SMC6: variants seen among roughly 807,000 people sequenced by gnomAD.
SMC6 encodes structural maintenance of chromosomes 6.
SMC6 carries 79 observed loss-of-function variants against 142.2 expected under a neutral mutation model. The ratio of observed to expected loss-of-function variants is 0.56; its 90% confidence interval spans 0.46 to 0.67. The LOEUF (loss-of-function observed/expected upper bound fraction) is 0.67, where lower values mean the gene tolerates loss of function less well. Among genes scored for constraint, SMC6 ranks in the 30% least tolerant of loss-of-function variants. The probability of loss-of-function intolerance (pLI) is 0.00; values close to 1 mark genes in which losing one functional copy is unlikely to be tolerated. For synonymous variants in SMC6, 411 were observed against 412.4 expected, an observed-to-expected ratio of 1.00 and a Z score of 0.04; for missense variants, 1,072 against 1,284.0, an observed-to-expected ratio of 0.83 and a Z score of 2.52.
rs769232499 is a variant in SMC6 at position 17,721,249 on chromosome 2, G to C, written c.739C>G (p.Leu247Val). Residue 247 changes from leucine to valine, a missense_variant, in exon 10 of 28, where the codon CTA becomes GTA. Transcript: ENST00000448223. ...TCTTTCTCTACACACTGGCGCTTTA[G>C]TTCAGTAAGCCGCTTAAAAAAAGAA... ...IHQGEERLTE[L>V]KRQCVEKEER... 2.8e-5 allele frequency: 45 copies of C among 1,587,622 alleles called. No homozygotes were observed. Among genetic ancestry groups the C allele is most frequent in the Non-Finnish European group, 3.8e-5 (45 of 1,172,264 alleles).
At chr2:17,735,501 A>C (rs998437217) in intron 5 of SMC6, among the ~76,000 whole-genome samples, 13 of 152,232 alleles carry the variant, frequency 8.5e-5, no homozygotes, top group African/African-American at 3.1e-4. Flanking sequence ...CAGGAACATA[A>C]AACAGGAGAA....
chr2:17,716,735 A>G lies in SMC6; in HGVS notation c.1346+6T>C. On this transcript the variant is annotated splice_donor_region_variant and intron_variant, in intron 14 of 27. Coordinates refer to ENST00000448223, the MANE Select transcript of SMC6 (RefSeq NM_001142286.2). ...AAAAAATCATTCTAAGGATGTTGCA[A>G]CTTACTTAATTTTGCCATGTTCTTC... The G allele has an allele frequency of 6.2e-7, 1 of 1,603,582 alleles. No individual in the cohort carries two copies. Among genetic ancestry groups the G allele is most frequent in the Non-Finnish European group, 8.5e-7 (1 of 1,177,250 alleles).
intron 7 of SMC6, among the ~76,000 whole-genome samples, chr2:17,730,297 T>C (rs1055294574): frequency 2.0e-5 from 3 of 151,818 alleles, no homozygotes; most frequent in Non-Finnish European, 2.9e-5. Flanking sequence ...CCTTGGCCCC[T>C]ACAAGTGTGA....
intron 4 of SMC6, among the ~76,000 whole-genome samples, chr2:17,739,851 C>CACACAT (rs1553321213): frequency 1.4e-5 from 2 of 144,386 alleles, no homozygotes; most frequent in Non-Finnish European, 3.0e-5. Context: ...CACAGACACA[C>CACACAT]ACACACACAC....
intron 22 of SMC6, among the ~76,000 whole-genome samples, chr2:17,695,527 G>A (rs1667948646): frequency 6.6e-6 from 1 of 151,938 alleles, no homozygotes; most frequent in Non-Finnish European, 1.5e-5. Flanking sequence ...CTAATAAGGT[G>A]CAAGATCTCC....
chr2:17,704,296 A>G (rs1242472453), intron 18 of SMC6, among the ~76,000 whole-genome samples: 1 of 152,224 alleles, frequency 6.6e-6, no homozygotes, highest in Non-Finnish European at 1.5e-5. Flanking sequence ...GAGAGTGATT[A>G]AAACAGATAA....
At chr2:17,691,727 G>A (rs878876545) in intron 23 of SMC6, among the ~76,000 whole-genome samples, 1 of 152,032 alleles carries the variant, frequency 6.6e-6, no homozygotes, top group African/African-American at 2.4e-5. Context: ...CAATCAGGCA[G>A]GAGAAGGAAA....
intron 20 of SMC6, among the ~76,000 whole-genome samples, chr2:17,701,513 T>C (rs917172251): frequency 2.0e-5 from 3 of 152,232 alleles, no homozygotes; most frequent in Non-Finnish European, 4.4e-5. Context: ...AGAGTGCCTA[T>C]GTGAAAAACA....
At chr2:17,747,018 C>G (rs1469097805) in intron 2 of SMC6, among the ~76,000 whole-genome samples, 1 of 152,180 alleles carries the variant, frequency 6.6e-6, no homozygotes, top group African/African-American at 2.4e-5. Flanking sequence ...GTCTGGACTT[C>G]CACCCTAGTG....
At chr2:17,752,779 C>G (rs1036197865) in intron 2 of SMC6, among the ~76,000 whole-genome samples, 199 bp downstream of exon 2, 1 of 152,190 alleles carries the variant, frequency 6.6e-6, no homozygotes, top group Non-Finnish European at 1.5e-5. Context: ...GTTAAAAGAT[C>G]ACACTGCAAC....
intron 26 of SMC6, among the ~76,000 whole-genome samples, chr2:17,667,456 C>T (rs1298303668): frequency 6.6e-6 from 1 of 152,176 alleles, no homozygotes; most frequent in Admixed American, 6.5e-5. Flanking sequence ...AGTTAAGTAA[C>T]AGTAAAAGAA....
chr2:17,700,418 C>T (rs1558344695), intron 20 of SMC6, 40 bp from the exon 21 acceptor site: 29 of 1,456,926 alleles, frequency 2.0e-5, no homozygotes, highest in Non-Finnish European at 2.6e-5. Flanking sequence ...AATTAAAATA[C>T]TTTAAGTTTT....
intron 14 of SMC6, among the ~76,000 whole-genome samples, 171 bp from the exon 15 acceptor site, chr2:17,716,435 G>A (rs2124997869): frequency 6.6e-6 from 1 of 152,176 alleles, no homozygotes; most frequent in East Asian, 1.9e-4. Context: ...AAACAGTCTG[G>A]AGTCCTCAAA....
chr2:17,664,899 T>C lies in SMC6; in HGVS notation c.*600A>G, dbSNP rs940525782. On this transcript the variant is annotated 3_prime_UTR_variant, in exon 28 of 28. Transcript: ENST00000448223. ...CAGGCAAGCATGATGGAGGTCAGAG[T>C]GAAAAACTGCGTCATTATCCAGTTC... 1.3e-5 allele frequency: 2 copies of C among 152,132 alleles called. No homozygotes were observed. The highest frequency in any genetic ancestry group is 2.9e-5 in the Non-Finnish European group (2 of 68,102). 9.4% of individuals were successfully genotyped at this position (152,132 alleles called of 1,614,324 possible).
intron 2 of SMC6, among the ~76,000 whole-genome samples, chr2:17,746,763 C>T (rs1670765182): frequency 6.6e-6 from 1 of 152,196 alleles, no homozygotes; most frequent in African/African-American, 2.4e-5. Context: ...ACCTCTTTGA[C>T]TGCTGCTTTC....
At chr2:17,731,192 G>A (rs1669899190) in intron 6 of SMC6, 53 bp from the exon 7 acceptor site, 4 of 1,201,900 alleles carry the variant, frequency 3.3e-6, no homozygotes, top group Admixed American at 4.2e-5. Flanking sequence ...GCATAACACA[G>A]AAAAAATGTA....
At chr2:17,673,390 A>C (rs1292316104) in intron 25 of SMC6, among the ~76,000 whole-genome samples, 1 of 151,910 alleles carries the variant, frequency 6.6e-6, no homozygotes, top group Non-Finnish European at 1.5e-5. Flanking sequence ...CCAAATTATC[A>C]ATCTTTTCTT....
chr2:17,718,083 T>G lies in SMC6; in HGVS notation c.1086A>C (p.Glu362Asp). ...TTTAGAAAATTTATCTCACCTCAGC[T>G]TCATTATAGGCCCTTTTCTTAGCAA... is the stretch of plus-strand genomic sequence containing the variant. Reference protein sequence around the residue: ...DVVAKKRAYNEAEVLYNRSLN... With the variant: ...DVVAKKRAYNDAEVLYNRSLN... Residue 362 changes from glutamate (E) to aspartate (D), a missense_variant, in exon 12 of 28, where the codon GAA becomes GAC. By Grantham distance (45) the Glu-to-Asp change is conservative (BLOSUM62 2). This residue lies in a region of SMC6 where 994 missense variants were observed against 1,153.2 expected (regional missense o/e 0.86). Transcript: ENST00000448223. 1 of 1,603,944 alleles carries G rather than the reference T, an allele frequency of 6.2e-7. No homozygotes were observed. The highest frequency in any genetic ancestry group is 8.5e-7 in the Non-Finnish European group (1 of 1,175,540).
intron 7 of SMC6, among the ~76,000 whole-genome samples, chr2:17,730,379 GA>G (rs1308931785): frequency 7.3e-6 from 1 of 136,946 alleles, no homozygotes; most frequent in Non-Finnish European, 1.6e-5. Flanking sequence ...AGCAACTTTA[GA>G]AACTAAACAC....
Sources: gnomAD v4.1 joint callset for allele counts (sites outside exome capture counted in the v4.1 genomes callset) on GRCh38, gnomAD v4.1.1 for gene constraint, gnomAD v4.1.1 regional missense constraint, MANE v1.5 for transcripts, NCBI Gene and HGNC (gene_info 2026-07-23, HGNC 2026-07-21) for gene names.